GNAQ: variants seen among roughly 807,000 people sequenced by gnomAD.
GNAQ encodes the protein guanine nucleotide-binding protein G(q) subunit alpha.
GNAQ carries 8 observed loss-of-function variants against 43.9 expected under a neutral mutation model. The observed-to-expected ratio is 0.18, with a 90% CI of 0.11 to 0.33. The LOEUF (loss-of-function observed/expected upper bound fraction) is 0.33, where lower values mean the gene tolerates loss of function less well. Among genes scored for constraint, GNAQ ranks in the 10% least tolerant of loss-of-function variants. The probability of loss-of-function intolerance (pLI) is 1.00; values close to 1 mark genes in which losing one functional copy is unlikely to be tolerated. For missense variants in GNAQ, 158 were observed against 450.8 expected (o/e 0.35, Z 5.88); for synonymous variants, 155 against 170.7 (o/e 0.91, Z 0.71).
In GNAQ at chr9:77,790,280, TC is replaced by T. The variant is rs569332949; in HGVS notation, c.735+4182del. Among the ~76,000 whole-genome samples, 29 of 152,344 alleles carry T rather than the reference TC, an allele frequency of 1.9e-4. No homozygotes were observed. In the East Asian group the frequency reaches 5.4e-3, roughly 28 times the overall value. Reference sequence around the variant, plus strand: ...CTTTGCGATTTGAGTTTTTTTCTCCTCAATTTTTAGTCAGGTTTTCCCCGCA... The same window carrying T: ...CTTTGCGATTTGAGTTTTTTTCTCCTAATTTTTAGTCAGGTTTTCCCCGCA... On this transcript the variant is annotated intron_variant, in intron 5 of 6. Transcript: ENST00000286548.
chr9:77,832,053 T>C (rs577061722), intron 2 of GNAQ, among the ~76,000 whole-genome samples: 2 of 151,650 alleles, frequency 1.3e-5, no homozygotes, highest in Non-Finnish European at 2.9e-5. Context: ...ATAGCACATG[T>C]AGGTCAAAGA....
chr9:77,809,086 T>G (rs2118493740), intron 3 of GNAQ, among the ~76,000 whole-genome samples: 1 of 152,268 alleles, frequency 6.6e-6, no homozygotes, highest in East Asian at 1.9e-4. Context: ...ACATGGCACA[T>G]AATATATTGG....
intron 1 of GNAQ, among the ~76,000 whole-genome samples, chr9:78,020,997 G>A (rs962895241): frequency 4.0e-5 from 6 of 150,952 alleles, no homozygotes; most frequent in African/African-American, 1.5e-4. Context: ...CTCTTTCTTT[G>A]GCCACAGAGT....
chr9:77,911,722 A>T (rs1828807919), intron 2 of GNAQ, among the ~76,000 whole-genome samples: 1 of 152,166 alleles, frequency 6.6e-6, no homozygotes, highest in South Asian at 2.1e-4. Context: ...TGGCCCAAAA[A>T]GCGATTTGTG....
chr9:77,769,682 TG>T (rs1284964589), intron 5 of GNAQ, among the ~76,000 whole-genome samples: 2 of 149,532 alleles, frequency 1.3e-5, no homozygotes, highest in Non-Finnish European at 3.0e-5. Flanking sequence ...TTTTTTTTTT[TG>T]GGATGGAGTC....
At chr9:77,731,103 A>AAGGG (rs1825480060) in intron 5 of GNAQ, among the ~76,000 whole-genome samples, 1 of 152,106 alleles carries the variant, frequency 6.6e-6, no homozygotes, top group African/African-American at 2.4e-5. Context: ...CATTCTTGAG[A>AAGGG]AGGGGCGTGA....
At chr9:77,926,335 C>A (rs1283791267) in intron 1 of GNAQ, among the ~76,000 whole-genome samples, 4 of 152,072 alleles carry the variant, frequency 2.6e-5, no homozygotes, top group African/African-American at 9.7e-5. Context: ...TCCCAAATTA[C>A]ATAAAATTAT....
intron 5 of GNAQ, among the ~76,000 whole-genome samples, chr9:77,743,367 T>C (rs1458504040): frequency 6.6e-6 from 1 of 152,180 alleles, no homozygotes; most frequent in Non-Finnish European, 1.5e-5. Flanking sequence ...TTAAAACCTC[T>C]GGGGTGAAGT....
At chr9:77,800,602 C>T (rs1036463931) in intron 3 of GNAQ, among the ~76,000 whole-genome samples, 124 of 152,132 alleles carry the variant, frequency 8.2e-4, no homozygotes, top group Non-Finnish European at 1.0e-3. Flanking sequence ...GGGAGATACA[C>T]CTAATGCTAG....
intron 5 of GNAQ, among the ~76,000 whole-genome samples, chr9:77,746,325 T>C (rs1045365427): frequency 6.6e-6 from 1 of 151,980 alleles, no homozygotes; most frequent in African/African-American, 2.4e-5. Context: ...ACAAGAAAGA[T>C]GTAAATGAAC....
At chr9:77,743,620 G>A (rs1035589022) in intron 5 of GNAQ, among the ~76,000 whole-genome samples, 1 of 151,986 alleles carries the variant, frequency 6.6e-6, no homozygotes, top group African/African-American at 2.4e-5. Flanking sequence ...CTGACATTCA[G>A]TTTATGGCTA....
chr9:77,889,279 G>A (rs1269087998), intron 2 of GNAQ, among the ~76,000 whole-genome samples: 3 of 151,086 alleles, frequency 2.0e-5, no homozygotes, highest in Non-Finnish European at 2.9e-5. Flanking sequence ...GTGGTGGTGC[G>A]TGCCTGTAGT....
chr9:77,756,245 A>T (rs1368094346), intron 5 of GNAQ, among the ~76,000 whole-genome samples: 1 of 152,208 alleles, frequency 6.6e-6, no homozygotes, highest in Non-Finnish European at 1.5e-5. Context: ...TTATGTATAC[A>T]TCTATCCTAT....
At chr9:78,013,274 C>G (rs191331564) in intron 1 of GNAQ, among the ~76,000 whole-genome samples, 1 of 151,856 alleles carries the variant, frequency 6.6e-6, no homozygotes, top group East Asian at 1.9e-4. Context: ...CAGAAAGATG[C>G]CCTTAGCCAT....
At chr9:77,761,069 A>C (rs1211348488) in intron 5 of GNAQ, among the ~76,000 whole-genome samples, 453 of 146,344 alleles carry the variant, frequency 3.1e-3, no homozygotes, top group African/African-American at 0.012. Flanking sequence ...CCATCTGGGA[A>C]GTGAGGAGCG....
chr9:78,008,328 C>G (rs1823731274), intron 1 of GNAQ, among the ~76,000 whole-genome samples: 1 of 152,230 alleles, frequency 6.6e-6, no homozygotes, highest in Non-Finnish European at 1.5e-5. Context: ...GGCCTTTCAT[C>G]TGTGCTGGCC....
At chr9:78,004,033 T>C (rs1250165469) in intron 1 of GNAQ, among the ~76,000 whole-genome samples, 1 of 151,846 alleles carries the variant, frequency 6.6e-6, no homozygotes, top group East Asian at 1.9e-4. Context: ...GTATAAATCA[T>C]CACAATTACA....
At chr9:77,753,712 C>T (rs2118301972) in intron 5 of GNAQ, among the ~76,000 whole-genome samples, 1 of 152,304 alleles carries the variant, frequency 6.6e-6, no homozygotes, top group South Asian at 2.1e-4. Flanking sequence ...TCTCGAAATA[C>T]TAATTTGGTA....
At chr9:77,730,910 A>G (rs1273437556) in intron 5 of GNAQ, among the ~76,000 whole-genome samples, 1 of 152,194 alleles carries the variant, frequency 6.6e-6, no homozygotes, top group East Asian at 1.9e-4. Flanking sequence ...AAATTTAAAG[A>G]AAGTTAATTA....
Sources: gnomAD v4.1 joint callset for allele counts (sites outside exome capture counted in the v4.1 genomes callset) on GRCh38, gnomAD v4.1.1 for gene constraint, MANE v1.5 for transcripts, NCBI Gene and HGNC (gene_info 2026-07-23, HGNC 2026-07-21) for gene names.